Variants in PCM1 observed in about 807,000 individuals in gnomAD.
PCM1 encodes pericentriolar material 1 protein.
A neutral mutation model predicts 241.9 loss-of-function variants in PCM1; 157 were observed. That is an observed-to-expected ratio of 0.65 (90% CI 0.57 to 0.74). The LOEUF (loss-of-function observed/expected upper bound fraction) is 0.74. PCM1 is among the 30% of genes least tolerant of loss of function. The pLI, the probability that PCM1 is intolerant of heterozygous loss-of-function variation, is 0.00. For synonymous variants in PCM1, 1,085 were observed against 784.9 expected, an observed-to-expected ratio of 1.38 and a Z score of -6.39; for missense variants, 3,478 against 2,360.1, an observed-to-expected ratio of 1.47 and a Z score of -9.81.
chr8:17,966,511 G>A, intron 20 of PCM1, 38 bp downstream of exon 20: 1 of 1,581,938 alleles, frequency 6.3e-7, no homozygotes, highest in Non-Finnish European at 8.7e-7. Flanking sequence ...CTGTATAAGA[G>A]CTAACATTGA....
rs773288337 is a variant in PCM1 at position 17,991,656 on chromosome 8, A to T, written c.4646A>T (p.Asp1549Val). Reference protein sequence around the residue: ...NMRCTCRIIEDGDGAGAGTTV... With the variant: ...NMRCTCRIIEVGDGAGAGTTV... The stretch of plus-strand genomic sequence containing the variant: ...AGATGCACCTGCAGGATTATTGAGG[A>T]TGGAGATGGTGCTGGTGCAGGTACT... The change falls in exon 28 of 39, where the codon GAT (aspartate) becomes GTT (valine). Residue 1549 changes from aspartate (D) to valine (V), a missense_variant. Transcript: ENST00000325083. 7.0e-6 allele frequency: 11 copies of T among 1,564,290 alleles called. No individual in the cohort carries two copies. In the Admixed American group the frequency reaches 2.1e-4, roughly 30 times the overall value.
intron 7 of PCM1, among the ~76,000 whole-genome samples, chr8:17,948,986 T>G (rs2064966533): frequency 6.6e-6 from 1 of 152,176 alleles, no homozygotes; most frequent in Non-Finnish European, 1.5e-5. Flanking sequence ...TGCCTAGATT[T>G]ATATAGAATT....
chr8:17,986,974 G>C lies in PCM1; in HGVS notation c.4410+887G>C, dbSNP rs1444359845. Among the ~76,000 whole-genome samples, 4 of 151,806 alleles carry C rather than the reference G, an allele frequency of 2.6e-5. No individual in the cohort carries two copies. In the East Asian group the frequency reaches 5.8e-4, roughly 22 times the overall value. ...CTCAAAGGATTGTCTTTCCTTTTCA[G>C]ATACAGTAATTTCTGAGTTTTTCTG... On this transcript the variant is annotated intron_variant, in intron 26 of 38. Coordinates refer to ENST00000325083, the MANE Select transcript of PCM1 (RefSeq NM_006197.4).
chr8:17,984,749 A>T (rs867497267), intron 24 of PCM1, among the ~76,000 whole-genome samples: 1 of 151,992 alleles, frequency 6.6e-6, no homozygotes, highest in Non-Finnish European at 1.5e-5. Flanking sequence ...TGTGTTATCA[A>T]CAAGTAAATT....
chr8:18,011,529 A>G, intron 33 of PCM1, 138 bp from the exon 34 acceptor site: 3 of 1,078,420 alleles, frequency 2.8e-6, no homozygotes, highest in Non-Finnish European at 3.9e-6. Context: ...TCTGCACTGT[A>G]AGTTTTTAAT....
At position 17,972,665 on chromosome 8, in the gene PCM1, G is replaced by A; in HGVS notation, c.3921G>A (p.Leu1307=). 1.3e-6 allele frequency: 2 copies of A among 1,555,302 alleles called. No individual in the cohort carries two copies. Among genetic ancestry groups the A allele is most frequent in the Non-Finnish European group, 1.7e-6 (2 of 1,153,674 alleles). Residue 1307 remains leucine, a synonymous_variant, in exon 23 of 39, where the codon CTG becomes CTA. Transcript: ENST00000325083. ...GTAAGAAGAGGAATTCTACTCAGCT[G>A]AAAAGCAGAGTTAAAAACATCAGTA... The part of the protein sequence containing the change: ...SKSKKRNSTQ[L]KSRVKNIRYE...
intron 22 of PCM1, among the ~76,000 whole-genome samples, chr8:17,971,545 A>G (rs2076857003): frequency 6.6e-6 from 1 of 152,232 alleles, no homozygotes; most frequent in South Asian, 2.1e-4. Flanking sequence ...CAGTAGACTA[A>G]TAGAACTACG....
At chr8:17,935,481 C>A in intron 2 of PCM1, 108 bp from the exon 3 acceptor site, 5 of 592,056 alleles carry the variant, frequency 8.4e-6, no homozygotes, top group Non-Finnish European at 1.5e-5. Context: ...CATTTTAGTT[C>A]ATAAAAATCA....
At chr8:17,962,940 T>C in intron 16 of PCM1, 161 bp from the exon 17 acceptor site, 1 of 558,490 alleles carries the variant, frequency 1.8e-6, no homozygotes, top group East Asian at 3.2e-5. Context: ...TTTGTAATCA[T>C]AACTATATTA....
At chr8:18,015,884 GT>G (rs1457779408) in intron 36 of PCM1, 4 of 152,128 alleles carry the variant, frequency 2.6e-5, no homozygotes, top group Non-Finnish European at 5.9e-5. Context: ...AGCTCTCTGA[GT>G]TTATCTGAGT....
intron 6 of PCM1, among the ~76,000 whole-genome samples, chr8:17,942,139 C>T (rs1195401154): frequency 2.6e-5 from 4 of 152,052 alleles, no homozygotes; most frequent in South Asian, 2.1e-4. Flanking sequence ...CGTTCTTAAA[C>T]CTTGACCATC....
rs1332954253 is a variant in PCM1 at position 17,937,146 on chromosome 8, C to G, written c.109C>G (p.Gln37Glu). 1 of 1,563,358 alleles carries G rather than the reference C, an allele frequency of 6.4e-7. No homozygotes were observed. Among genetic ancestry groups the G allele is most frequent in the African/African-American group, 1.4e-5 (1 of 73,530 alleles). Reference sequence around the variant, plus strand: ...TACTTTTTTAAAGGATTGGGGTGCCCAACAGAAGAAAGCAAATAGATCATC... The same window carrying G: ...TACTTTTTTAAAGGATTGGGGTGCCGAACAGAAGAAAGCAAATAGATCATC... ...DRLNNMDWGA[Q>E]QKKANRSSEK... is the part of the protein sequence containing the mutation. The change falls in exon 4 of 39, where the codon CAA becomes GAA. Residue 37 changes from glutamine (Q) to glutamate (E), a missense_variant. Transcript: ENST00000325083.
intron 22 of PCM1, among the ~76,000 whole-genome samples, chr8:17,972,084 AT>A (rs1167555539): frequency 7.2e-5 from 11 of 152,178 alleles, no homozygotes; most frequent in Admixed American, 6.6e-4. Context: ...CTAATGCTAG[AT>A]CTTTGATAAG....
At chr8:18,018,873 TATATATACAC>T (rs780474725) in intron 36 of PCM1, among the ~76,000 whole-genome samples, 54,618 of 116,468 alleles carry the variant, frequency 0.47, 12,878 homozygotes, top group Middle Eastern at 0.57. Context: ...TATATATATA[TATATATACAC>T]ACACATATAC....
At chr8:18,021,343 C>T (rs1417666709) in intron 36 of PCM1, among the ~76,000 whole-genome samples, 1 of 152,134 alleles carries the variant, frequency 6.6e-6, no homozygotes, top group Non-Finnish European at 1.5e-5. Context: ...TTGTCAAACT[C>T]ATAAAGCTGG....
At chr8:18,025,174 G>C in intron 36 of PCM1, 187 bp from the exon 37 acceptor site, 1 of 133,056 alleles carries the variant, frequency 7.5e-6, no homozygotes, top group Non-Finnish European at 1.4e-5. Flanking sequence ...GTAACAGCTT[G>C]ACAGTATGTT....
intron 34 of PCM1, 118 bp downstream of exon 34, chr8:18,011,945 C>T: frequency 5.7e-6 from 5 of 881,788 alleles, no homozygotes; most frequent in Non-Finnish European, 8.8e-6. Flanking sequence ...TTCATGAATG[C>T]AAGCCTCATT....
intron 28 of PCM1, among the ~76,000 whole-genome samples, chr8:17,992,352 T>G (rs555977528): frequency 1.1e-4 from 16 of 152,352 alleles, no homozygotes; most frequent in African/African-American, 3.6e-4. Context: ...CTAGTTAGTT[T>G]ACATGCCCAC....
At chr8:17,945,870 T>C (rs1312516856) in intron 6 of PCM1, among the ~76,000 whole-genome samples, 1 of 152,144 alleles carries the variant, frequency 6.6e-6, no homozygotes, top group Non-Finnish European at 1.5e-5. Context: ...CGACAAAAAT[T>C]TGTTAGCAGT....
Sources: gnomAD v4.1 joint callset for allele counts (sites outside exome capture counted in the v4.1 genomes callset) on GRCh38, gnomAD v4.1.1 for gene constraint, MANE v1.5 for transcripts, NCBI Gene and HGNC (gene_info 2026-07-23, HGNC 2026-07-21) for gene names.